The following LUZP1 variants were observed in gnomAD, a reference collection of about 807,000 sequenced individuals.
LUZP1 encodes the protein leucine zipper protein 1, also known as filamin mechanobinding actin cross-linking protein.
A neutral mutation model predicts 71.3 loss-of-function variants in LUZP1; 25 were observed. That is an observed-to-expected ratio of 0.35 (90% confidence interval 0.26 to 0.49). LUZP1 has a LOEUF of 0.49. Among genes scored for constraint, LUZP1 ranks in the 20% least tolerant of loss-of-function variants. The pLI, the probability that LUZP1 is intolerant of heterozygous loss-of-function variation, is 0.99. For synonymous variants in LUZP1, 481 were observed against 506.4 expected (o/e 0.95, Z 0.67); for missense variants, 1,142 against 1,300.8 (o/e 0.88, Z 1.88).
chr1:23,148,282 T>G (rs866207834), intron 2 of LUZP1, among the ~76,000 whole-genome samples: 245 of 152,150 alleles, frequency 1.6e-3, no homozygotes, highest in African/African-American at 5.5e-3. Context: ...GATAAACATC[T>G]GAAAATAGTG....
chr1:23,169,987 C>T (rs917310910), intron 1 of LUZP1, among the ~76,000 whole-genome samples: 1 of 151,990 alleles, frequency 6.6e-6, no homozygotes, highest in Non-Finnish European at 1.5e-5. Context: ...CACACACACA[C>T]ACACACACAC....
intron 1 of LUZP1, among the ~76,000 whole-genome samples, chr1:23,176,062 C>CTT (rs57669214): frequency 0.36 from 46,598 of 129,606 alleles, 8,978 homozygotes; most frequent in African/African-American, 0.45. Context: ...ACTTCCTTGA[C>CTT]TTTTTTTTTT....
intron 4 of LUZP1, among the ~76,000 whole-genome samples, chr1:23,089,456 G>T (rs1643819766): frequency 6.6e-6 from 1 of 152,138 alleles, no homozygotes; most frequent in Admixed American, 6.5e-5. Context: ...GCTGAAGAGA[G>T]GTCCGGACAG....
chr1:23,171,442 A>C (rs1040754910), intron 1 of LUZP1, among the ~76,000 whole-genome samples: 13 of 152,344 alleles, frequency 8.5e-5, no homozygotes, highest in Admixed American at 8.5e-4. Context: ...TTTGCAGCAC[A>C]GCTGACCCAT....
chr1:23,109,909 A>G (rs1644014048), intron 2 of LUZP1, among the ~76,000 whole-genome samples: 1 of 152,230 alleles, frequency 6.6e-6, no homozygotes, highest in Non-Finnish European at 1.5e-5. Flanking sequence ...ATTATTTAGC[A>G]GAAAAGCAAG....
Position 23,093,660 on chromosome 1 carries a change from T to C in LUZP1, c.602A>G (p.Asn201Ser). The C allele has an allele frequency of 6.2e-7, 1 of 1,611,254 alleles. No homozygotes were observed. Among genetic ancestry groups the C allele is most frequent in the Non-Finnish European group, 8.5e-7 (1 of 1,179,460 alleles). ...TTTCTCATTTTCTTTCTCCTTTTCA[T>C]TCAAGTATTTTCTCTCACTTACAAA... Residue 201 changes from asparagine (N) to serine (S), a missense_variant, in exon 4 of 5, where the codon AAT (asparagine) becomes AGT (serine). Transcript: ENST00000302291. This position sits in a 1 kb window ranked among gnomAD's most constrained non-coding sequence, Gnocchi z 4.2.
At chr1:23,134,412 A>T (rs1557668274) in intron 2 of LUZP1, among the ~76,000 whole-genome samples, 1 of 152,110 alleles carries the variant, frequency 6.6e-6, no homozygotes, top group Non-Finnish European at 1.5e-5. Flanking sequence ...AGCCCAGGAG[A>T]TGGAGGCTAC....
intron 2 of LUZP1, among the ~76,000 whole-genome samples, chr1:23,115,101 T>A (rs1307329986): frequency 6.6e-6 from 1 of 152,228 alleles, no homozygotes; most frequent in Non-Finnish European, 1.5e-5. Flanking sequence ...AGTCTTGCCA[T>A]TAATACTTAA....
At chr1:23,113,744 G>C (rs1009090377) in intron 2 of LUZP1, among the ~76,000 whole-genome samples, 4 of 152,058 alleles carry the variant, frequency 2.6e-5, no homozygotes, top group Non-Finnish European at 5.9e-5. Context: ...GCCGGGTGTT[G>C]TGGCGCGCGC....
chr1:23,170,462 C>CTTTTTTTTTTTTTTTTTTTTTTT (rs200073505), intron 1 of LUZP1, among the ~76,000 whole-genome samples: 3 of 127,440 alleles, frequency 2.4e-5, no homozygotes, highest in East Asian at 2.2e-4. Flanking sequence ...CTTTTTCTTT[C>CTTTTTTTTTTTTTTTTTTTTTTT]TTTTTTTTTT....
exon 5 of LUZP1, chr1:23,087,353 A>G (rs889746072): frequency 6.6e-6 from 1 of 152,218 alleles, no homozygotes; most frequent in African/African-American, 2.4e-5. Flanking sequence ...ACAAGCAAAA[A>G]TCATCCCATA....
intron 2 of LUZP1, among the ~76,000 whole-genome samples, chr1:23,111,445 A>T (rs191283319): frequency 3.9e-4 from 60 of 152,174 alleles, no homozygotes; most frequent in African/African-American, 1.4e-3. Context: ...CTATAGTCCT[A>T]GCTACTTGGG....
downstream of LUZP1, chr1:23,083,799 T>C (rs1219825042): frequency 2.0e-5 from 3 of 153,470 alleles, no homozygotes; most frequent in Admixed American, 6.5e-5. Flanking sequence ...TTTCTCCATG[T>C]TTAAATAAGG....
At chr1:23,158,936 C>CA (rs1165897572) in intron 2 of LUZP1, among the ~76,000 whole-genome samples, 327 of 55,976 alleles carry the variant, frequency 5.8e-3, no homozygotes, top group East Asian at 0.015. Context: ...GACTCCATCT[C>CA]AAAAAAAAAA....
chr1:23,107,047 G>C (rs1384655946), intron 3 of LUZP1, among the ~76,000 whole-genome samples: 1 of 152,192 alleles, frequency 6.6e-6, no homozygotes, highest in Non-Finnish European at 1.5e-5. Flanking sequence ...CTCCTTATGG[G>C]TCCTTATACA....
rs145151005 is a variant in LUZP1, at chr1:23,091,575, G to A, written c.2687C>T (p.Ala896Val). 2.4e-3 allele frequency: 3,946 copies of A among 1,614,078 alleles called. 64 individuals carry two copies. The African/African-American group carries it at 0.045, about 18-fold the overall frequency. Residue 896 changes from alanine to valine, a missense_variant, in exon 4 of 5, where the codon GCG (alanine) becomes GTG (valine). Ala to Val is a moderately conservative substitution (Grantham distance 64, BLOSUM62 0). Coordinates refer to ENST00000302291, the Ensembl canonical transcript of LUZP1. ...ATGGCTTTTCCACCTGATTGTCTCC[G>A]CTGGAGGTGCATGGCTATTCCTCTC...
chr1:23,168,895 GA>G (rs1163704870), exon 2 of LUZP1: 3 of 152,230 alleles, frequency 2.0e-5, no homozygotes, highest in African/African-American at 7.2e-5. Flanking sequence ...CAGCGTTCTG[GA>G]AGGCGGGGTC....
chr1:23,176,747 C>A (rs1262258181), intron 1 of LUZP1, among the ~76,000 whole-genome samples: 3 of 152,112 alleles, frequency 2.0e-5, no homozygotes, highest in Non-Finnish European at 4.4e-5. Flanking sequence ...TGTAGAGGCC[C>A]CCAAGTTGCT....
chr1:23,084,617 C>T (rs1312255918), exon 5 of LUZP1: 1 of 152,176 alleles, frequency 6.6e-6, no homozygotes, highest in Non-Finnish European at 1.5e-5. Context: ...AACACTGTTA[C>T]TGCAAATCCA....
Sources: gnomAD v4.1 joint callset for allele counts (sites outside exome capture counted in the v4.1 genomes callset) on GRCh38, gnomAD v4.1.1 for gene constraint, Gnocchi (gnomAD v3.1) non-coding constraint, MANE v1.5 for transcripts, NCBI Gene and HGNC (gene_info 2026-07-23, HGNC 2026-07-21) for gene names.